Variants in PLLP observed in about 807,000 individuals in gnomAD.
The protein encoded by PLLP is plasmolipin, also known as plasma membrane proteolipid (plasmolipin).
PLLP carries 15 observed loss-of-function variants against 19.7 expected under a neutral mutation model. The ratio of observed to expected loss-of-function variants is 0.76; its 90% CI spans 0.51 to 1.17. PLLP has a LOEUF of 1.17. Among genes scored for constraint, PLLP ranks in the 50% most tolerant of loss-of-function variants. The pLI is 0.00. For missense variants in PLLP, 255 were observed against 258.3 expected (o/e 0.99, Z 0.09); for synonymous variants, 111 against 116.3 (o/e 0.95, Z 0.29).
intron 1 of PLLP, among the ~76,000 whole-genome samples, chr16:57,276,883 G>C (rs563274439): frequency 5.9e-5 from 9 of 152,090 alleles, no homozygotes; most frequent in Non-Finnish European, 1.3e-4. Flanking sequence ...CTTGCAGCAG[G>C]GTGCGCAACA....
At position 57,262,049 on chromosome 16, in the gene PLLP, C is replaced by T. The variant is rs928300095; in HGVS notation, c.157G>A (p.Ala53Thr). 1 of 1,614,180 alleles carries T rather than the reference C, an allele frequency of 6.2e-7. No homozygotes were observed. Among genetic ancestry groups the T allele is most frequent in the Admixed American group, 1.7e-5 (1 of 60,022 alleles). Residue 53 changes from alanine to threonine, a missense_variant, in exon 2 of 4, where the codon GCG (alanine) becomes ACG (threonine). By Grantham distance (58) the Ala-to-Thr change is moderately conservative. Coordinates refer to ENST00000219207, the MANE Select transcript of PLLP (RefSeq NM_015993.3). Reference protein sequence around the residue: ...LQLVLGLLVWALIADTPYHLY... With the variant: ...LQLVLGLLVWTLIADTPYHLY... ...TGGTACGGGGTGTCCGCAATCAGCG[C>T]CCACACCAGCAGCCCCAGCACCTAG...
intron 1 of PLLP, among the ~76,000 whole-genome samples, chr16:57,275,313 A>T (rs925531657): frequency 6.6e-6 from 1 of 152,138 alleles, no homozygotes. Flanking sequence ...TCACTGCATC[A>T]TGCACCATTG....
intron 1 of PLLP, among the ~76,000 whole-genome samples, chr16:57,283,379 T>C (rs552033440): frequency 1.3e-5 from 2 of 152,278 alleles, no homozygotes; most frequent in African/African-American, 4.8e-5. Context: ...GCCCAGGGTC[T>C]GGCACCAAAG....
Position 57,269,612 on chromosome 16 carries a change from C to A in PLLP, c.136-7542G>T, listed in dbSNP as rs952570678. Among the ~76,000 whole-genome samples the A allele has an allele frequency of 7.2e-5, 11 of 152,246 alleles. No homozygotes were observed. The East Asian group carries it at 2.1e-3, about 29-fold the overall frequency. On this transcript the variant is annotated intron_variant, in intron 1 of 3. Transcript: ENST00000219207. ...AGCCGGGGCCTAGAGGACACCAGGG[C>A]TCAAGCTCAGCAGCTGCCAGGGCTG... is the stretch of plus-strand genomic sequence containing the variant.
At chr16:57,269,858 T>C (rs899889776) in intron 1 of PLLP, among the ~76,000 whole-genome samples, 1 of 152,162 alleles carries the variant, frequency 6.6e-6, no homozygotes, top group Non-Finnish European at 1.5e-5. Context: ...CTCTGCCTCC[T>C]GGGTTCAAGT....
chr16:57,273,014 CT>C (rs1417980917), intron 1 of PLLP, among the ~76,000 whole-genome samples: 1 of 151,926 alleles, frequency 6.6e-6, no homozygotes, highest in Admixed American at 6.6e-5. Context: ...AATCCCAGCA[CT>C]TTGGGAGGCC....
At position 57,258,548 on chromosome 16, in the gene PLLP, T is replaced by C. The variant is rs750072249; in HGVS notation, c.346A>G (p.Ile116Val). The C allele has an allele frequency of 3.1e-6, 5 of 1,613,314 alleles. No homozygotes were observed. Among genetic ancestry groups the C allele is most frequent in the Non-Finnish European group, 3.4e-6 (4 of 1,179,942 alleles). ...GCAGAGCAGGCGATGAAGGCGGTGA[T>C]GTAGAGAACGGTGGCGCTGATGTTA... ...IFNISATVLY[I>V]TAFIACSAAV... The change falls in exon 3 of 4, where the codon ATC (isoleucine) becomes GTC (valine). Residue 116 changes from isoleucine (I) to valine (V), a missense_variant. Ile to Val is a conservative substitution (Grantham distance 29). Transcript: ENST00000219207.
intron 1 of PLLP, among the ~76,000 whole-genome samples, chr16:57,281,358 G>A (rs1237627368): frequency 2.6e-5 from 4 of 152,214 alleles, no homozygotes; most frequent in African/African-American, 9.6e-5. Context: ...TGAGCCTAGT[G>A]CTGGCCTGAT....
intron 1 of PLLP, among the ~76,000 whole-genome samples, chr16:57,274,404 T>C (rs1901122894): frequency 6.6e-6 from 1 of 152,236 alleles, no homozygotes; most frequent in Non-Finnish European, 1.5e-5. Flanking sequence ...TTCAGCATCC[T>C]GTCTTCCATT....
chr16:57,269,901 G>T (rs529694857), intron 1 of PLLP, among the ~76,000 whole-genome samples: 1 of 152,188 alleles, frequency 6.6e-6, no homozygotes, highest in South Asian at 2.1e-4. Flanking sequence ...AAATAGCTGG[G>T]ATTACAGGTG....
chr16:57,278,021 T>C (rs1173647411), intron 1 of PLLP, among the ~76,000 whole-genome samples: 1 of 152,084 alleles, frequency 6.6e-6, no homozygotes, highest in African/African-American at 2.4e-5. Context: ...CACAACAGTT[T>C]ACAAGGAAGG....
At chr16:57,283,338 GGA>G (rs1356335722) in intron 1 of PLLP, among the ~76,000 whole-genome samples, 4 of 152,086 alleles carry the variant, frequency 2.6e-5, no homozygotes, top group Non-Finnish European at 5.9e-5. Context: ...GCCCGCACCT[GGA>G]GAGGTCAGGG....
intron 1 of PLLP, among the ~76,000 whole-genome samples, chr16:57,266,374 T>A (rs900847698): frequency 1.3e-5 from 2 of 152,138 alleles, no homozygotes; most frequent in African/African-American, 4.8e-5. Context: ...ACAAGGAAGG[T>A]TCGTTCCTGC....
chr16:57,282,552 C>G (rs1205840668), intron 1 of PLLP, among the ~76,000 whole-genome samples: 2 of 152,060 alleles, frequency 1.3e-5, no homozygotes, highest in Non-Finnish European at 2.9e-5. Flanking sequence ...GGATCCCTCA[C>G]AGGGATCTTG....
At chr16:57,273,867 A>G (rs1901115083) in intron 1 of PLLP, among the ~76,000 whole-genome samples, 1 of 152,208 alleles carries the variant, frequency 6.6e-6, no homozygotes, top group Admixed American at 6.5e-5. Flanking sequence ...CTCAGCCATA[A>G]CACTGAACTC....
rs1318512545 is a variant in PLLP, at chr16:57,284,627, C to T, written c.-87G>A. ...TGCCGGCTCCCGCGCCGCTTTTCCC[C>T]CAGGCTCCGGATCCCTGTGTGGCTC... On this transcript the variant is annotated 5_prime_UTR_variant, in exon 1 of 4. Coordinates refer to ENST00000219207, the MANE Select transcript of PLLP (RefSeq NM_015993.3). 8.2e-7 allele frequency: 1 copy of T among 1,224,002 alleles called. No homozygotes were observed. Among genetic ancestry groups the T allele is most frequent in the Non-Finnish European group, 1.0e-6 (1 of 964,104 alleles). 75.8% of individuals were successfully genotyped at this position (1,224,002 alleles called of 1,614,324 possible). A position where few individuals can be genotyped will look rare whatever the true frequency, so the allele number is the denominator to read the frequency against.
chr16:57,280,233 G>A (rs1023517714), intron 1 of PLLP, among the ~76,000 whole-genome samples: 3 of 152,172 alleles, frequency 2.0e-5, no homozygotes, highest in Non-Finnish European at 4.4e-5. Flanking sequence ...GAAGTGCAAA[G>A]CCAAGCTTGC....
intron 1 of PLLP, among the ~76,000 whole-genome samples, chr16:57,265,888 A>G (rs2075455514): frequency 2.6e-5 from 4 of 152,172 alleles, no homozygotes; most frequent in Non-Finnish European, 5.9e-5. Flanking sequence ...TTAGCTGGGC[A>G]TAGTAGCATG....
intron 1 of PLLP, among the ~76,000 whole-genome samples, chr16:57,277,800 G>C (rs1319475322): frequency 6.6e-6 from 1 of 152,226 alleles, no homozygotes. Flanking sequence ...ACCCTGGAAT[G>C]AGACACAAGG....
Sources: allele counts gnomAD v4.1 joint callset (sites outside exome capture counted in the v4.1 genomes callset), GRCh38; gene constraint gnomAD v4.1.1; transcripts MANE v1.5; gene names NCBI Gene and HGNC (gene_info 2026-07-23, HGNC 2026-07-21).